The following CTNND2 variants were observed in gnomAD, a reference collection of about 807,000 sequenced individuals.
CTNND2 encodes the protein catenin delta-2.
In CTNND2, 22 loss-of-function variants were observed where a neutral mutation model predicts 144.4. The ratio of observed to expected loss-of-function variants is 0.15; its 90% CI spans 0.11 to 0.22. The LOEUF is 0.22. Ranked by LOEUF, CTNND2 falls within the 10% of genes least tolerant of loss-of-function variation. CTNND2 has a pLI of 1.00. For synonymous variants in CTNND2, 751 were observed against 695.6 expected, an observed-to-expected ratio of 1.08 and a Z score of -1.25; for missense variants, 1,353 against 1,618.8, an observed-to-expected ratio of 0.84 and a Z score of 2.82.
At chr5:11,833,183 T>C (rs1211096559) in intron 1 of CTNND2, among the ~76,000 whole-genome samples, 1 of 152,212 alleles carries the variant, frequency 6.6e-6, no homozygotes, top group Non-Finnish European at 1.5e-5. Flanking sequence ...AAGCAAATGT[T>C]TGTAGCAAAT....
intron 1 of CTNND2, among the ~76,000 whole-genome samples, chr5:11,745,412 C>T (rs112614479): frequency 6.6e-6 from 1 of 152,270 alleles, no homozygotes; most frequent in African/African-American, 2.4e-5. Context: ...AGGCCACTGG[C>T]ATACGTATAT....
At chr5:10,985,305 C>T (rs2149491004) in intron 20 of CTNND2, among the ~76,000 whole-genome samples, 1 of 152,272 alleles carries the variant, frequency 6.6e-6, no homozygotes, top group South Asian at 2.1e-4. Context: ...TGCAGGGCTG[C>T]AAGAACTCGC....
intron 9 of CTNND2, among the ~76,000 whole-genome samples, chr5:11,302,958 G>T (rs771780471): frequency 1.3e-5 from 2 of 152,156 alleles, no homozygotes; most frequent in Non-Finnish European, 2.9e-5. Flanking sequence ...TTATCCCAGA[G>T]TGTTCAGACC....
chr5:11,070,483 C>T (rs1206045557), intron 16 of CTNND2, among the ~76,000 whole-genome samples: 1 of 151,988 alleles, frequency 6.6e-6, no homozygotes, highest in Non-Finnish European at 1.5e-5. Context: ...ACCTACAGGA[C>T]AATATCATGT....
At position 11,691,754 on chromosome 5, in the gene CTNND2, G is replaced by A. The variant is rs536822168; in HGVS notation, c.174+40382C>T. ...CCCCTCTCTACGAAAATATTAGTTG[G>A]ATGTGGTGTTGTGCACATGTAGATA... On this transcript the variant is annotated intron_variant, in intron 2 of 21. Coordinates refer to ENST00000304623, the MANE Select transcript of CTNND2 (RefSeq NM_001332.4). Among the ~76,000 whole-genome samples the A allele has an allele frequency of 1.2e-3, 175 of 152,062 alleles. 2 individuals are homozygous for A. The highest frequency in any genetic ancestry group is 1.8e-3 in the Non-Finnish European group (123 of 68,002).
intron 11 of CTNND2, among the ~76,000 whole-genome samples, chr5:11,178,508 G>T (rs544143934): frequency 6.6e-6 from 1 of 152,280 alleles, no homozygotes; most frequent in Admixed American, 6.5e-5. Context: ...TGATAGAGAG[G>T]CAGAGATGAT....
intron 19 of CTNND2, among the ~76,000 whole-genome samples, chr5:10,990,973 C>T (rs1036330145): frequency 3.9e-5 from 6 of 152,238 alleles, no homozygotes; most frequent in Non-Finnish European, 2.9e-5. Context: ...AGACACCATC[C>T]ATATGCTTTC....
At chr5:11,263,212 T>C (rs561478010) in intron 9 of CTNND2, among the ~76,000 whole-genome samples, 6 of 152,356 alleles carry the variant, frequency 3.9e-5, no homozygotes, top group Non-Finnish European at 8.8e-5. Context: ...TGCTTGACTT[T>C]ATTGCTGACT....
At chr5:11,646,250 CT>C (rs1454552521) in intron 2 of CTNND2, among the ~76,000 whole-genome samples, 5 of 152,112 alleles carry the variant, frequency 3.3e-5, no homozygotes, top group African/African-American at 7.2e-5. Context: ...TGCTTAGAGT[CT>C]TATGTGTATC....
At chr5:11,141,883 C>A (rs1219565184) in intron 12 of CTNND2, among the ~76,000 whole-genome samples, 1 of 152,186 alleles carries the variant, frequency 6.6e-6, no homozygotes, top group Non-Finnish European at 1.5e-5. Context: ...GAAGTGGGAA[C>A]TTGAGGAGGC....
intron 9 of CTNND2, among the ~76,000 whole-genome samples, chr5:11,343,653 C>G (rs558239405): frequency 6.6e-6 from 1 of 152,284 alleles, no homozygotes; most frequent in African/African-American, 2.4e-5. Context: ...CGCACACTCA[C>G]CTGGCACCAA....
At chr5:11,113,327 G>C (rs763692027) in intron 13 of CTNND2, among the ~76,000 whole-genome samples, 4 of 152,140 alleles carry the variant, frequency 2.6e-5, no homozygotes, top group South Asian at 2.1e-4. Context: ...CCAGGGGTCC[G>C]ATCCAGCCCA....
chr5:11,358,665 T>G (rs1055843797), intron 8 of CTNND2, among the ~76,000 whole-genome samples: 5 of 152,356 alleles, frequency 3.3e-5, no homozygotes, highest in East Asian at 3.9e-4. Flanking sequence ...AGTAATAAGA[T>G]TTTATGAATA....
intron 3 of CTNND2, among the ~76,000 whole-genome samples, chr5:11,449,972 G>T (rs940108686): frequency 5.9e-5 from 9 of 152,218 alleles, no homozygotes; most frequent in African/African-American, 2.2e-4. Context: ...ATCTGTTACA[G>T]TTTCATTCCA....
intron 3 of CTNND2, among the ~76,000 whole-genome samples, chr5:11,463,327 T>C (rs908264363): frequency 1.3e-5 from 2 of 152,248 alleles, no homozygotes; most frequent in Non-Finnish European, 2.9e-5. Flanking sequence ...CAAATGTTCA[T>C]CCAGGGAGAC....
At chr5:11,646,899 T>C (rs987854433) in intron 2 of CTNND2, among the ~76,000 whole-genome samples, 1 of 152,162 alleles carries the variant, frequency 6.6e-6, no homozygotes, top group Non-Finnish European at 1.5e-5. Context: ...CTGCTGACAC[T>C]TGGGGCATCT....
intron 2 of CTNND2, among the ~76,000 whole-genome samples, chr5:11,624,630 C>G (rs1781055669): frequency 6.6e-6 from 1 of 151,978 alleles, no homozygotes; most frequent in South Asian, 2.1e-4. Flanking sequence ...CAGTAACATT[C>G]AGAAAAATTA....
chr5:11,477,688 G>A (rs1350539374), intron 3 of CTNND2, among the ~76,000 whole-genome samples: 1 of 152,094 alleles, frequency 6.6e-6, no homozygotes, highest in East Asian at 1.9e-4. Context: ...GCTCTGCGGT[G>A]TCTGACAACA....
At chr5:11,137,326 G>A (rs6873490) in intron 12 of CTNND2, among the ~76,000 whole-genome samples, 94,661 of 151,940 alleles carry the variant, frequency 0.62, 29,537 homozygotes, top group East Asian at 0.74. Flanking sequence ...TTCAGAGTCC[G>A]GAAATTTGAT....
Sources: gnomAD v4.1 joint callset for allele counts (sites outside exome capture counted in the v4.1 genomes callset) on GRCh38, gnomAD v4.1.1 for gene constraint, MANE v1.5 for transcripts, NCBI Gene and HGNC (gene_info 2026-07-23, HGNC 2026-07-21) for gene names.